SMNDC1: variants seen among roughly 807,000 people sequenced by gnomAD.
SMNDC1 encodes survival of motor neuron-related-splicing factor 30.
SMNDC1 carries 5 observed loss-of-function variants against 29.2 expected under a neutral mutation model. The observed-to-expected ratio is 0.17, with a 90% CI of 0.09 to 0.36. The LOEUF (loss-of-function observed/expected upper bound fraction) is 0.36. Among genes scored for constraint, SMNDC1 ranks in the 10% least tolerant of loss-of-function variants. SMNDC1 has a pLI of 1.00. For synonymous variants in SMNDC1, 80 were observed against 89.9 expected, an observed-to-expected ratio of 0.89 and a Z score of 0.62; for missense variants, 142 against 268.5, an observed-to-expected ratio of 0.53 and a Z score of 3.29.
intron 3 of SMNDC1, among the ~76,000 whole-genome samples, chr10:110,298,044 A>C (rs1857592440): frequency 6.6e-6 from 1 of 152,172 alleles, no homozygotes; most frequent in Admixed American, 6.5e-5. Flanking sequence ...GCTGGAGTGC[A>C]GTAGTGCAAT....
At chr10:110,300,747 T>C in intron 2 of SMNDC1, 2 of 984,606 alleles carry the variant, frequency 2.0e-6, no homozygotes, top group Non-Finnish European at 2.4e-6. Flanking sequence ...CTGTAATATA[T>C]GAGACAAGTG....
intron 4 of SMNDC1, among the ~76,000 whole-genome samples, chr10:110,296,197 C>T (rs1327301342): frequency 6.6e-6 from 1 of 152,112 alleles, no homozygotes; most frequent in Non-Finnish European, 1.5e-5. Flanking sequence ...CTGGGGGTTT[C>T]AAAAACATTC....
Position 110,292,307 on chromosome 10 carries a change from TTC to T in SMNDC1, c.*1841_*1842del, listed in dbSNP as rs1470967733. 1.3e-5 allele frequency: 2 copies of T among 152,062 alleles called. No individual in the cohort carries two copies. The highest frequency in any genetic ancestry group is 4.8e-5 in the African/African-American group (2 of 41,392). 9.4% of individuals were successfully genotyped at this position (152,062 alleles called of 1,614,324 possible). ...ACATTTTTTTTTAAGGTCACTTTTA[TTC>T]TTTTTCTCTCTCCTACTGCAAAGTC... On this transcript the variant is annotated 3_prime_UTR_variant, in exon 6 of 6. Transcript: ENST00000369603.
intron 2 of SMNDC1, among the ~76,000 whole-genome samples, chr10:110,302,048 T>C (rs1030670525): frequency 1.3e-5 from 2 of 152,212 alleles, no homozygotes; most frequent in Non-Finnish European, 1.5e-5. Flanking sequence ...CACCCAGTGT[T>C]TTCTTTTCCT....
At chr10:110,298,475 G>GCTAAAA (rs1857598951) in intron 3 of SMNDC1, among the ~76,000 whole-genome samples, 173 bp downstream of exon 3, 1 of 152,000 alleles carries the variant, frequency 6.6e-6, no homozygotes, top group Non-Finnish European at 1.5e-5. Context: ...TTAATCTAAA[G>GCTAAAA]CTAAAACTAA....
chr10:110,301,857 CTAT>C (rs1426355039), intron 2 of SMNDC1, among the ~76,000 whole-genome samples: 6 of 152,186 alleles, frequency 3.9e-5, no homozygotes, highest in Non-Finnish European at 7.4e-5. Context: ...GTACTTTCCA[CTAT>C]GATGATCATG....
At chr10:110,299,379 AT>A (rs1256294471) in intron 2 of SMNDC1, among the ~76,000 whole-genome samples, 1 of 152,256 alleles carries the variant, frequency 6.6e-6, no homozygotes, top group Non-Finnish European at 1.5e-5. Context: ...ACCAGGTTAG[AT>A]TTTAAATGTT....
chr10:110,300,673 C>T, intron 2 of SMNDC1: 1 of 985,352 alleles, frequency 1.0e-6, no homozygotes, highest in Non-Finnish European at 1.2e-6. Context: ...ATCAGCAGGT[C>T]AAATGGGGTG....
intron 2 of SMNDC1, chr10:110,300,545 A>G (rs889767365): frequency 1.4e-5 from 14 of 984,844 alleles, no homozygotes; most frequent in Middle Eastern, 5.2e-4. Context: ...GAAGGTACAT[A>G]CCATTAATTA....
intron 1 of SMNDC1, chr10:110,303,815 TA>T: frequency 2.2e-6 from 1 of 447,656 alleles, no homozygotes; most frequent in Non-Finnish European, 3.9e-6. Context: ...TTCCATACTT[TA>T]AAAAAGCATA....
chr10:110,301,397 A>G (rs1262736307), intron 2 of SMNDC1, among the ~76,000 whole-genome samples: 1 of 151,648 alleles, frequency 6.6e-6, no homozygotes, highest in African/African-American at 2.4e-5. Context: ...GTTTTTGAGT[A>G]GTTTTCAATT....
At chr10:110,297,820 T>C in intron 3 of SMNDC1, 92 bp from the exon 4 acceptor site, 2 of 1,119,992 alleles carry the variant, frequency 1.8e-6, no homozygotes, top group South Asian at 3.5e-5. Context: ...ATTACATGTG[T>C]CTATAATGAA....
chr10:110,295,508 T>A, intron 4 of SMNDC1, 127 bp from the exon 5 acceptor site: 1 of 611,076 alleles, frequency 1.6e-6, no homozygotes, highest in African/African-American at 1.9e-5. Flanking sequence ...TAAAAAGTAC[T>A]AAATCATTAA....
At chr10:110,300,767 CT>C (rs1235843884) in intron 2 of SMNDC1, 109 of 966,398 alleles carry the variant, frequency 1.1e-4, no homozygotes, top group Non-Finnish European at 1.3e-4. Context: ...GACTTGACCC[CT>C]GCCTCCTTTA....
intron 2 of SMNDC1, 44 bp from the exon 3 acceptor site, chr10:110,298,834 T>C: frequency 6.7e-7 from 1 of 1,488,218 alleles, no homozygotes; most frequent in Non-Finnish European, 9.2e-7. Flanking sequence ...TTTATAATTC[T>C]CATTGTCAAC....
chr10:110,298,464 C>T (rs1230596068), intron 3 of SMNDC1, among the ~76,000 whole-genome samples, 184 bp downstream of exon 3: 3 of 152,166 alleles, frequency 2.0e-5, no homozygotes, highest in African/African-American at 7.2e-5. Context: ...CTCCCCAAAA[C>T]TTAATCTAAA....
chr10:110,301,227 C>A (rs1344081739), intron 2 of SMNDC1, among the ~76,000 whole-genome samples: 1 of 147,816 alleles, frequency 6.8e-6, no homozygotes. Flanking sequence ...TGAGATACAT[C>A]CCAGAAGGCA....
intron 2 of SMNDC1, among the ~76,000 whole-genome samples, chr10:110,302,511 G>A (rs1361485286): frequency 6.6e-6 from 1 of 152,150 alleles, no homozygotes; most frequent in African/African-American, 2.4e-5. Flanking sequence ...CGTTAAGTTT[G>A]TTTGCAGTTC....
chr10:110,297,526 G>C (rs371043548), intron 4 of SMNDC1, 41 bp downstream of exon 4: 8 of 1,583,818 alleles, frequency 5.1e-6, no homozygotes, highest in Non-Finnish European at 6.0e-6. Context: ...TATCCAAATG[G>C]GGAAGATTGC....
Sources: allele counts gnomAD v4.1 joint callset (sites outside exome capture counted in the v4.1 genomes callset), GRCh38; gene constraint gnomAD v4.1.1; transcripts MANE v1.5; gene names NCBI Gene and HGNC (gene_info 2026-07-23, HGNC 2026-07-21).